Variants in C12orf42 observed in about 807,000 individuals in gnomAD.
The protein encoded by C12orf42 is uncharacterized protein C12orf42.
In C12orf42, 25 loss-of-function variants were observed where a neutral mutation model predicts 21.6. The observed-to-expected ratio is 1.16, with a 90% CI of 0.84 to 1.62. The LOEUF (loss-of-function observed/expected upper bound fraction) is 1.62. Ranked by LOEUF, C12orf42 falls within the 40% of genes most tolerant of loss-of-function variation. The pLI is 0.00. For synonymous variants in C12orf42, 174 were observed against 175.0 expected (o/e 0.99, Z 0.05); for missense variants, 483 against 459.3 (o/e 1.05, Z -0.47).
At chr12:103,111,115 T>C in the C12orf42 span, among the ~76,000 whole-genome samples, 1 of 152,234 alleles carries the variant, frequency 6.6e-6, no homozygotes, top group Non-Finnish European at 1.5e-5. Context: ...TTATTTATTC[T>C]TTCTATTACT....
At chr12:103,352,604 A>G (rs971854559) in intron 4 of C12orf42, among the ~76,000 whole-genome samples, 1 of 152,148 alleles carries the variant, frequency 6.6e-6, no homozygotes, top group African/African-American at 2.4e-5. Context: ...GTCCCCGTGC[A>G]CTAAGAAACA....
downstream of C12orf42, among the ~76,000 whole-genome samples, chr12:103,299,748 G>A (rs541566932): frequency 1.3e-5 from 2 of 152,262 alleles, no homozygotes; most frequent in South Asian, 4.2e-4. Flanking sequence ...CAGAACAAAT[G>A]GTATTGGGAA....
intron 2 of C12orf42, among the ~76,000 whole-genome samples, chr12:103,429,328 G>C (rs1950091503): frequency 6.6e-6 from 1 of 152,110 alleles, no homozygotes; most frequent in South Asian, 2.1e-4. Context: ...ACCAACAACA[G>C]ACAAACAGAG....
At chr12:103,066,038 T>C in the C12orf42 span, among the ~76,000 whole-genome samples, 1 of 152,148 alleles carries the variant, frequency 6.6e-6, no homozygotes, top group Non-Finnish European at 1.5e-5. Flanking sequence ...TTTGGAGTCT[T>C]TGGCAGGCCC....
At chr12:103,065,764 G>T in the C12orf42 span, among the ~76,000 whole-genome samples, 5 of 152,162 alleles carry the variant, frequency 3.3e-5, no homozygotes, top group Non-Finnish European at 7.4e-5. Context: ...CGCTGCATTT[G>T]GCCCCTCCTA....
intron 5 of C12orf42, among the ~76,000 whole-genome samples, chr12:103,271,463 C>T (rs751915046): frequency 8.5e-5 from 13 of 152,134 alleles, no homozygotes; most frequent in Non-Finnish European, 1.9e-4. Flanking sequence ...TGAGACCTAT[C>T]AGCTGTGATG....
the C12orf42 span, among the ~76,000 whole-genome samples, chr12:103,086,496 C>A: frequency 6.7e-6 from 1 of 149,314 alleles, no homozygotes; most frequent in African/African-American, 2.5e-5. Flanking sequence ...TAGAAAGGAG[C>A]TGGAGACCAG....
chr12:103,103,808 T>A, the C12orf42 span, among the ~76,000 whole-genome samples: 1 of 151,960 alleles, frequency 6.6e-6, no homozygotes, highest in Non-Finnish European at 1.5e-5. Context: ...AGCTCACTTT[T>A]TTTTTTTTTT....
At chr12:103,241,401 A>C (rs1259686165) in intron 10 of C12orf42, among the ~76,000 whole-genome samples, 1 of 152,162 alleles carries the variant, frequency 6.6e-6, no homozygotes, top group African/African-American at 2.4e-5. Flanking sequence ...TGAACAGATC[A>C]AGTAACCACG....
the C12orf42 span, among the ~76,000 whole-genome samples, chr12:103,198,588 C>A: frequency 1.3e-5 from 2 of 152,224 alleles, no homozygotes; most frequent in Non-Finnish European, 2.9e-5. Flanking sequence ...AGGCTGTAGT[C>A]CTGTCACTGC....
the C12orf42 span, among the ~76,000 whole-genome samples, chr12:103,132,996 T>C: frequency 6.6e-6 from 1 of 152,136 alleles, no homozygotes; most frequent in South Asian, 2.1e-4. Flanking sequence ...CATGTACACC[T>C]GGGGGCCTCA....
At chr12:103,310,212 T>G (rs935947419) in intron 4 of C12orf42, among the ~76,000 whole-genome samples, 14 of 152,104 alleles carry the variant, frequency 9.2e-5, no homozygotes, top group Non-Finnish European at 1.8e-4. Context: ...TCCTGAGATT[T>G]GGTCATTTAA....
At chr12:103,406,408 G>A (rs560537008) in intron 2 of C12orf42, among the ~76,000 whole-genome samples, 2 of 152,196 alleles carry the variant, frequency 1.3e-5, no homozygotes, top group East Asian at 3.8e-4. Context: ...TCTCCAAGAA[G>A]AGACCTGGAT....
chr12:103,378,311 G>A (rs1247630248), intron 3 of C12orf42, among the ~76,000 whole-genome samples: 1 of 152,180 alleles, frequency 6.6e-6, no homozygotes, highest in East Asian at 1.9e-4. Context: ...AGATTTGGAT[G>A]ATTTTTTTTG....
chr12:103,466,093 T>A (rs1953104963), intron 2 of C12orf42, among the ~76,000 whole-genome samples: 1 of 152,182 alleles, frequency 6.6e-6, no homozygotes, highest in Non-Finnish European at 1.5e-5. Flanking sequence ...GCTTTTGGTA[T>A]CAGGATGATG....
At chr12:103,467,173 A>C (rs1039062597) in intron 2 of C12orf42, among the ~76,000 whole-genome samples, 1 of 152,222 alleles carries the variant, frequency 6.6e-6, no homozygotes, top group Non-Finnish European at 1.5e-5. Context: ...TTCTCTGTGG[A>C]TATCACTGAT....
At chr12:103,356,092 G>C (rs368219362) in intron 4 of C12orf42, among the ~76,000 whole-genome samples, 1 of 152,018 alleles carries the variant, frequency 6.6e-6, no homozygotes, top group South Asian at 2.1e-4. Context: ...TCTAACTCCT[G>C]ACTGGGCGCT....
At chr12:103,059,495 G>A in the C12orf42 span, among the ~76,000 whole-genome samples, 1 of 152,272 alleles carries the variant, frequency 6.6e-6, no homozygotes, top group African/African-American at 2.4e-5. Context: ...GTATCATCCT[G>A]ATACCAAAAC....
intron 10 of C12orf42, among the ~76,000 whole-genome samples, chr12:103,257,906 A>C (rs113776714): frequency 6.6e-6 from 1 of 151,998 alleles, no homozygotes; most frequent in Non-Finnish European, 1.5e-5. Context: ...AATATCAAAA[A>C]AAATTCTAAT....
Sources: gnomAD v4.1 joint callset for allele counts (sites outside exome capture counted in the v4.1 genomes callset) on GRCh38, gnomAD v4.1.1 for gene constraint, MANE v1.5 for transcripts, NCBI Gene and HGNC (gene_info 2026-07-23, HGNC 2026-07-21) for gene names.